ARHGAP21: variants seen among roughly 807,000 people sequenced by gnomAD.
ARHGAP21 encodes the protein rho GTPase-activating protein 21.
ARHGAP21 carries 38 observed loss-of-function variants against 164.6 expected under a neutral mutation model. The observed-to-expected ratio is 0.23, with a 90% CI of 0.18 to 0.30. The LOEUF (loss-of-function observed/expected upper bound fraction) is 0.30, where lower values mean the gene tolerates loss of function less well. ARHGAP21 is among the 10% of genes least tolerant of loss of function. The pLI is 1.00. For missense variants in ARHGAP21, 1,822 were observed against 2,370.7 expected (o/e 0.77, Z 4.81); for synonymous variants, 766 against 857.9 (o/e 0.89, Z 1.87).
intron 3 of ARHGAP21, among the ~76,000 whole-genome samples, chr10:24,667,541 T>C (rs1408671523): frequency 1.3e-5 from 2 of 152,220 alleles, no homozygotes; most frequent in Admixed American, 6.5e-5. Context: ...GTCTCTTTCA[T>C]TGTTACCAAG....
intron 21 of ARHGAP21, 48 bp from the exon 22 acceptor site, chr10:24,592,060 A>T (rs1310246364): frequency 2.1e-6 from 3 of 1,433,194 alleles, no homozygotes. Context: ...TTCTTAAGGA[A>T]GTAGGCTGAA....
chr10:24,628,979 T>TAC (rs1415643663), intron 7 of ARHGAP21: 1 of 29,418 alleles, frequency 3.4e-5, no homozygotes, highest in African/African-American at 1.7e-4. Context: ...TATATATATA[T>TAC]ATATTTTTTT....
At chr10:24,612,640 G>C (rs992989223) in intron 9 of ARHGAP21, among the ~76,000 whole-genome samples, 1 of 151,862 alleles carries the variant, frequency 6.6e-6, no homozygotes, top group Non-Finnish European at 1.5e-5. Flanking sequence ...GGATCACGAG[G>C]TCAGGAGATC....
rs772812769 is a variant in ARHGAP21, at chr10:24,589,298, T to C, written c.4155A>G (p.Ser1385=). Residue 1385 remains serine (S), a synonymous_variant, in exon 25 of 26, where the codon TCA becomes TCG. Coordinates refer to ENST00000396432, the MANE Select transcript of ARHGAP21 (RefSeq NM_020824.4). ...TAGATTTTGTTGAGTCACTAGTAGC[T>C]GAATCTGTGAAAAATTAAATAAAAC... is the stretch of plus-strand genomic sequence containing the variant. The part of the protein sequence containing the change: ...TGVSPGDVSD[S]ATSDSTKSKG... 1 of 1,608,188 alleles carries C rather than the reference T, an allele frequency of 6.2e-7. No individual in the cohort carries two copies. The highest frequency in any genetic ancestry group is 1.1e-5 in the South Asian group (1 of 90,306).
chr10:24,676,317 C>T (rs376740725), intron 2 of ARHGAP21, among the ~76,000 whole-genome samples: 3 of 152,282 alleles, frequency 2.0e-5, no homozygotes, highest in East Asian at 3.9e-4. Context: ...TCTGAGTGTA[C>T]ATGTGCAGTT....
In ARHGAP21 at chr10:24,648,347, C is replaced by T. The variant is rs553668918; in HGVS notation, c.269-13244G>A. On this transcript the variant is annotated intron_variant, in intron 4 of 25. Coordinates refer to ENST00000396432, the MANE Select transcript of ARHGAP21 (RefSeq NM_020824.4). ...AATTAGGGAAAAGGTCTATAGCTTTCGAAAATTGTGAAACACCAATCTACT... is the reference window on the plus strand; with the variant it reads ...AATTAGGGAAAAGGTCTATAGCTTTTGAAAATTGTGAAACACCAATCTACT... Among the ~76,000 whole-genome samples, 13 of 152,316 alleles carry T rather than the reference C, an allele frequency of 8.5e-5. No homozygotes were observed. The South Asian group carries it at 2.5e-3, about 29-fold the overall frequency.
At chr10:24,596,558 C>T (rs868698109) in intron 17 of ARHGAP21, 182 bp downstream of exon 17, 129 of 706,638 alleles carry the variant, frequency 1.8e-4, no homozygotes, top group Middle Eastern at 8.2e-4. Context: ...TATTCAATTT[C>T]GGAGTCAATA....
chr10:24,648,994 T>C, intron 4 of ARHGAP21: 1 of 353,672 alleles, frequency 2.8e-6, no homozygotes, highest in Non-Finnish European at 4.0e-6. Context: ...ACATATAGAA[T>C]CACTTTTATT....
chr10:24,583,647 T>C lies in ARHGAP21; in HGVS notation c.*765A>G, dbSNP rs931402558. The C allele has an allele frequency of 1.3e-5, 2 of 152,656 alleles. No individual in the cohort carries two copies. Among genetic ancestry groups the C allele is most frequent in the African/African-American group, 2.4e-5 (1 of 41,472 alleles). The allele number at this position is 152,656 out of a possible 1,614,324, so 9.5% of individuals were successfully genotyped here. ...AACAATTTTTATTTCCAGTGTTTAA[T>C]TGGGTATGCACACAGGCATGACACA... is the stretch of plus-strand genomic sequence containing the variant. On this transcript the variant is annotated 3_prime_UTR_variant, in exon 26 of 26. Coordinates refer to ENST00000396432, the MANE Select transcript of ARHGAP21 (RefSeq NM_020824.4).
intron 16 of ARHGAP21, among the ~76,000 whole-genome samples, chr10:24,597,220 G>A (rs2076624401): frequency 6.6e-6 from 1 of 152,040 alleles, no homozygotes; most frequent in Non-Finnish European, 1.5e-5. Flanking sequence ...TAATGTCTCT[G>A]ATTTAAGTAT....
intron 4 of ARHGAP21, among the ~76,000 whole-genome samples, chr10:24,641,382 G>A (rs1837002394): frequency 6.6e-6 from 1 of 152,102 alleles, no homozygotes; most frequent in Admixed American, 6.6e-5. Flanking sequence ...CACTCAAAAT[G>A]CTCTCACTTG....
In ARHGAP21 at chr10:24,586,075, C is replaced by T; in HGVS notation, c.4214G>A (p.Ser1405Asn). 6.2e-7 allele frequency: 1 copy of T among 1,605,910 alleles called. No individual in the cohort carries two copies. Among genetic ancestry groups the T allele is most frequent in the South Asian group, 1.1e-5 (1 of 89,224 alleles). ...GATGGAGGACACAAGCAGTTCCCTG[C>T]TATACTGATCCTTTCCAGATCCCCA... is the stretch of plus-strand genomic sequence containing the variant. ...GSWGSGKDQYSRELLVSSIFA... is the reference protein window; with the variant it reads ...GSWGSGKDQYNRELLVSSIFA... The change falls in exon 26 of 26, where the codon AGC becomes AAC. Residue 1405 changes from serine (S) to asparagine (N), a missense_variant. Transcript: ENST00000396432.
Position 24,621,053 on chromosome 10 carries a change from A to G in ARHGAP21, c.842T>C (p.Val281Ala). 7.4e-6 allele frequency: 12 copies of G among 1,613,966 alleles called. No homozygotes were observed. The highest frequency in any genetic ancestry group is 1.0e-5 in the Non-Finnish European group (12 of 1,179,842). The change falls in exon 9 of 26, where the codon GTT becomes GCT. Residue 281 changes from valine (V) to alanine (A), a missense_variant. Physicochemically the swap from Val to Ala is moderately conservative, Grantham distance 64. Transcript: ENST00000396432. ...GTTTCTATTGGATAACAAATCTACA[A>G]CCTTCTCAGAAGGCACAATGACAGT... Reference protein sequence around the residue: ...VRTVIVPSEKVVDLLSNRNNH... With the variant: ...VRTVIVPSEKAVDLLSNRNNH...
intron 2 of ARHGAP21, among the ~76,000 whole-genome samples, chr10:24,670,826 G>C (rs577246888): frequency 5.3e-5 from 8 of 152,154 alleles, no homozygotes; most frequent in African/African-American, 1.9e-4. Context: ...AGCAACAAAG[G>C]ACATTAGAAA....
chr10:24,644,910 G>C (rs991973277), intron 4 of ARHGAP21, among the ~76,000 whole-genome samples: 3 of 152,098 alleles, frequency 2.0e-5, no homozygotes, highest in Admixed American at 2.0e-4. Context: ...GAGAACTCTA[G>C]AAACAAATTT....
Position 24,635,016 on chromosome 10 carries a change from C to A in ARHGAP21, c.356G>T (p.Cys119Phe). The A allele has an allele frequency of 1.3e-6, 2 of 1,586,006 alleles. No homozygotes were observed. Among genetic ancestry groups the A allele is most frequent in the Non-Finnish European group, 1.7e-6 (2 of 1,166,566 alleles). Residue 119 changes from cysteine (C) to phenylalanine (F), a missense_variant, in exon 5 of 26, where the codon TGT becomes TTT. By Grantham distance (205) the Cys-to-Phe change is radical. Coordinates refer to ENST00000396432, the MANE Select transcript of ARHGAP21 (RefSeq NM_020824.4). ...EGGPAFEAGL[C>F]TGDRIIKVNG... ...TTAAAGAAGAATATCAGCACCTGTACATAATCCAGCTTCAAAAGCAGGTCC... is the reference window on the plus strand; with the variant it reads ...TTAAAGAAGAATATCAGCACCTGTAAATAATCCAGCTTCAAAAGCAGGTCC...
At chr10:24,608,620 T>C (rs1226577222) in intron 9 of ARHGAP21, among the ~76,000 whole-genome samples, 1 of 152,206 alleles carries the variant, frequency 6.6e-6, no homozygotes, top group Non-Finnish European at 1.5e-5. Context: ...GGTCCAGCTA[T>C]TTTAATTTTG....
intron 2 of ARHGAP21, among the ~76,000 whole-genome samples, chr10:24,714,773 G>A (rs921983646): frequency 7.2e-5 from 11 of 152,036 alleles, no homozygotes; most frequent in African/African-American, 1.9e-4. Flanking sequence ...GGTGGTTCAC[G>A]CCTGTAATCC....
chr10:24,595,423 A>G (rs2076536847), intron 19 of ARHGAP21, among the ~76,000 whole-genome samples: 1 of 152,208 alleles, frequency 6.6e-6, no homozygotes, highest in African/African-American at 2.4e-5. Flanking sequence ...CATGGCACTT[A>G]AATACTTGGC....
Sources: gnomAD v4.1 joint callset for allele counts (sites outside exome capture counted in the v4.1 genomes callset) on GRCh38, gnomAD v4.1.1 for gene constraint, MANE v1.5 for transcripts, NCBI Gene and HGNC (gene_info 2026-07-23, HGNC 2026-07-21) for gene names.